Variants in NPSR1 observed in about 807,000 individuals in gnomAD.
The protein encoded by NPSR1 is neuropeptide S receptor 1.
In NPSR1, 48 loss-of-function variants were observed where a neutral mutation model predicts 46.9. The observed-to-expected ratio is 1.02, with a 90% CI of 0.81 to 1.30. NPSR1 has a LOEUF of 1.30. Ranked by LOEUF, NPSR1 falls within the 50% of genes most tolerant of loss-of-function variation. NPSR1 has a pLI of 0.00. For missense variants in NPSR1, 450 were observed against 449.5 expected (o/e 1.00, Z -0.01); for synonymous variants, 176 against 168.1 (o/e 1.05, Z -0.36).
intron 2 of NPSR1, chr7:34,751,496 C>T: frequency 7.3e-7 from 1 of 1,370,402 alleles, no homozygotes; most frequent in South Asian, 1.2e-5. Flanking sequence ...GTGTCATCTG[C>T]TGCCCCAACC....
rs570692966 is a variant in NPSR1 at position 34,797,553 on chromosome 7, A to T, written c.385-14217A>T. Among the ~76,000 whole-genome samples the T allele has an allele frequency of 9.2e-5, 14 of 152,344 alleles. 1 individual carries two copies. The South Asian group carries it at 2.3e-3, about 25-fold the overall frequency. On this transcript the variant is annotated intron_variant, in intron 3 of 8. Coordinates refer to ENST00000360581, the MANE Select transcript of NPSR1 (RefSeq NM_207172.2). ...CAAGAACTGTGGGACAATTACACAA[A>T]GTGTAGCACACACATATAACAGAAA...
intron 2 of NPSR1, among the ~76,000 whole-genome samples, chr7:34,742,568 T>C (rs984447389): frequency 2.6e-5 from 4 of 152,238 alleles, no homozygotes; most frequent in African/African-American, 4.8e-5. Flanking sequence ...CAATCTGTCA[T>C]TGATGGGCAT....
chr7:34,795,789 A>G (rs1293788346), intron 3 of NPSR1, among the ~76,000 whole-genome samples: 1 of 152,162 alleles, frequency 6.6e-6, no homozygotes, highest in Non-Finnish European at 1.5e-5. Context: ...CCATGTATAC[A>G]TAGGAAGATT....
intron 3 of NPSR1, among the ~76,000 whole-genome samples, chr7:34,789,894 T>C (rs1562728462): frequency 6.6e-6 from 1 of 151,952 alleles, no homozygotes; most frequent in Non-Finnish European, 1.5e-5. Flanking sequence ...ATGTTTCCAT[T>C]CCAAGAAAAG....
In NPSR1 at chr7:34,838,563, T is replaced by C. The variant is rs557843956; in HGVS notation, c.757+4103T>C. On this transcript the variant is annotated intron_variant, in intron 6 of 8. Transcript: ENST00000360581. ...GTCCGCATGCCAGGATTATTGCTCATCAACAAGGGGACATTAGCCATGATT... is the reference window on the plus strand; with the variant it reads ...GTCCGCATGCCAGGATTATTGCTCACCAACAAGGGGACATTAGCCATGATT... Among the ~76,000 whole-genome samples the C allele has an allele frequency of 3.3e-5, 5 of 152,222 alleles. No individual in the cohort carries two copies. The South Asian group carries it at 8.3e-4, about 25-fold the overall frequency.
intron 4 of NPSR1, among the ~76,000 whole-genome samples, chr7:34,823,710 A>G (rs1172687613): frequency 6.6e-6 from 1 of 152,310 alleles, no homozygotes; most frequent in East Asian, 1.9e-4. Context: ...AAAATAGATG[A>G]ATATAAATTA....
chr7:34,834,246 C>T, intron 5 of NPSR1, 138 bp from the exon 6 acceptor site: 1 of 665,012 alleles, frequency 1.5e-6, no homozygotes, highest in African/African-American at 1.8e-5. Context: ...CTATGAACAG[C>T]AAGTATAAGG....
chr7:34,760,814 T>C (rs1455707383), intron 2 of NPSR1, among the ~76,000 whole-genome samples: 1 of 152,122 alleles, frequency 6.6e-6, no homozygotes, highest in Non-Finnish European at 1.5e-5. Flanking sequence ...TTATATTCAG[T>C]ACTTTGATGA....
intron 8 of NPSR1, among the ~76,000 whole-genome samples, chr7:34,873,910 C>T (rs1405144211): frequency 6.6e-6 from 1 of 151,604 alleles, no homozygotes; most frequent in Non-Finnish European, 1.5e-5. Context: ...TTCAACCTCC[C>T]CTGAGTGCAG....
intron 8 of NPSR1, among the ~76,000 whole-genome samples, chr7:34,876,673 G>C (rs1791582299): frequency 6.6e-6 from 1 of 152,146 alleles, no homozygotes; most frequent in Non-Finnish European, 1.5e-5. Flanking sequence ...AATGGCTTCT[G>C]TTTCAAAAGA....
chr7:34,779,557 G>A, intron 3 of NPSR1: 1 of 1,218,236 alleles, frequency 8.2e-7, no homozygotes, highest in Non-Finnish European at 1.1e-6. Flanking sequence ...TGGTAATGAA[G>A]TTATTCCATA....
chr7:34,731,108 T>C (rs1000898733), intron 2 of NPSR1, among the ~76,000 whole-genome samples: 8 of 152,128 alleles, frequency 5.3e-5, no homozygotes, highest in African/African-American at 1.9e-4. Context: ...ATTTACAAAA[T>C]TTAAATTGTA....
At chr7:34,687,157 CTT>C (rs11298649) in intron 2 of NPSR1, among the ~76,000 whole-genome samples, 218 of 141,480 alleles carry the variant, frequency 1.5e-3, no homozygotes, top group African/African-American at 3.7e-3. Context: ...AAGTATCAGG[CTT>C]TTTTTTTTTT....
chr7:34,856,879 G>C (rs1791061733), intron 8 of NPSR1, among the ~76,000 whole-genome samples: 1 of 151,478 alleles, frequency 6.6e-6, no homozygotes, highest in East Asian at 1.9e-4. Context: ...CCTGGTAAGA[G>C]AACTGAAAAC....
At chr7:34,667,356 G>T (rs1791803287) in intron 1 of NPSR1, among the ~76,000 whole-genome samples, 1 of 152,186 alleles carries the variant, frequency 6.6e-6, no homozygotes, top group Admixed American at 6.5e-5. Flanking sequence ...AGAAAGGGGG[G>T]TAGTCATGGA....
At chr7:34,847,329 G>C (rs968201858) in intron 7 of NPSR1, among the ~76,000 whole-genome samples, 2 of 152,150 alleles carry the variant, frequency 1.3e-5, no homozygotes, top group African/African-American at 2.4e-5. Flanking sequence ...GAGAAAATGA[G>C]AGATGCGTGT....
At chr7:34,693,254 AT>A (rs1793354342) in intron 2 of NPSR1, among the ~76,000 whole-genome samples, 1 of 152,154 alleles carries the variant, frequency 6.6e-6, no homozygotes, top group South Asian at 2.1e-4. Flanking sequence ...TTCTTTATAA[AT>A]TACCCAGTCT....
At chr7:34,757,375 A>G (rs1785918917) in intron 2 of NPSR1, among the ~76,000 whole-genome samples, 1 of 152,194 alleles carries the variant, frequency 6.6e-6, no homozygotes, top group Non-Finnish European at 1.5e-5. Flanking sequence ...GCTCAGGTAC[A>G]CTTATTCAAA....
rs562969419 is a variant in NPSR1 at position 34,735,484 on chromosome 7, G to A, written c.281-42978G>A. Among the ~76,000 whole-genome samples the A allele has an allele frequency of 3.3e-5, 5 of 152,280 alleles. No homozygotes were observed. The East Asian group carries it at 9.7e-4, about 29-fold the overall frequency. On this transcript the variant is annotated intron_variant, in intron 2 of 8. Transcript: ENST00000360581. ...TAAATGAATACATCAATATATGTTT[G>A]GAAATACATCTGTTTCTACATACCT...
Sources: allele counts gnomAD v4.1 joint callset (sites outside exome capture counted in the v4.1 genomes callset), GRCh38; gene constraint gnomAD v4.1.1; transcripts MANE v1.5; gene names NCBI Gene and HGNC (gene_info 2026-07-23, HGNC 2026-07-21).